PCDHA1: variants seen among roughly 807,000 people sequenced by gnomAD.
PCDHA1 encodes the protein protocadherin alpha-1.
In PCDHA1, 42 loss-of-function variants were observed where a neutral mutation model predicts 61.3. That is an observed-to-expected ratio of 0.69 (90% CI 0.54 to 0.89). The LOEUF (loss-of-function observed/expected upper bound fraction) is 0.89, where lower values mean the gene tolerates loss of function less well. Ranked by LOEUF, PCDHA1 falls within the 40% of genes least tolerant of loss-of-function variation. The pLI is 0.00. For synonymous variants in PCDHA1, 610 were observed against 553.8 expected (o/e 1.10, Z -1.43); for missense variants, 1,256 against 1,235.3 (o/e 1.02, Z -0.25).
intron 1 of PCDHA1, chr5:140,875,462 C>T (rs1333440854): frequency 6.3e-7 from 1 of 1,598,882 alleles, no homozygotes; most frequent in Non-Finnish European, 8.5e-7. Flanking sequence ...CAGAGGCCCT[C>T]ATTTTCTGCA....
intron 1 of PCDHA1, chr5:140,927,429 C>T: frequency 6.2e-7 from 1 of 1,614,118 alleles, no homozygotes; most frequent in Non-Finnish European, 8.5e-7. Flanking sequence ...GGGTTGACGG[C>T]AGCGAATACC....
At chr5:140,802,928 G>C in intron 1 of PCDHA1, 1 of 1,613,822 alleles carries the variant, frequency 6.2e-7, no homozygotes, top group Non-Finnish European at 8.5e-7. Context: ...GTGGCGCAGT[G>C]AGCGAGCTGG....
Position 140,969,340 on chromosome 5 carries a change from G to A in PCDHA1, c.2395-9609G>A, listed in dbSNP as rs1262555926. 6 of 1,613,738 alleles carry A rather than the reference G, an allele frequency of 3.7e-6. No homozygotes were observed. The African/African-American group carries it at 5.3e-5, about 14-fold the overall frequency. On this transcript the variant is annotated intron_variant, in intron 1 of 3. Coordinates refer to ENST00000504120, the MANE Select transcript of PCDHA1 (RefSeq NM_018900.4). The stretch of plus-strand genomic sequence containing the variant: ...CTGTTTCTCAAAATGAGGTGAGACA[G>A]TGGTCAGGGGGTCTTCTACAAACTC...
chr5:140,945,022 A>G (rs926595272), intron 1 of PCDHA1, among the ~76,000 whole-genome samples: 2 of 152,140 alleles, frequency 1.3e-5, no homozygotes, highest in Non-Finnish European at 2.9e-5. Flanking sequence ...TTTTTTACTC[A>G]GACATAATTA....
rs906170025 is a variant in PCDHA1 at position 140,935,893 on chromosome 5, T to C, written c.2395-43056T>C. Among the ~76,000 whole-genome samples, 23 of 129,968 alleles carry C rather than the reference T, an allele frequency of 1.8e-4. 1 individual carries two copies. In the Admixed American group the frequency reaches 1.8e-3, roughly 10 times the overall value. The allele number at this position is 129,968 out of a possible 152,430, so 85.3% of individuals were successfully genotyped here. A position where few individuals can be genotyped will look rare whatever the true frequency, so the allele number is the denominator to read the frequency against. ...AATGAGCTCCAATTTATCAATATTA[T>C]CTTTTTTTTTTTTTTTTGAGACAGA... On this transcript the variant is annotated intron_variant, in intron 1 of 3. Transcript: ENST00000504120.
At chr5:140,863,942 G>C (rs868949663) in intron 1 of PCDHA1, 1 of 159,974 alleles carries the variant, frequency 6.3e-6, no homozygotes, top group Non-Finnish European at 1.4e-5. Context: ...CAGAGGTTGC[G>C]GTGAGCCTAG....
At chr5:140,919,552 T>C (rs2079193484) in intron 1 of PCDHA1, among the ~76,000 whole-genome samples, 1 of 152,224 alleles carries the variant, frequency 6.6e-6, no homozygotes, top group South Asian at 2.1e-4. Context: ...ATTTACTGAT[T>C]TATATTAAGT....
At chr5:140,940,159 C>CT (rs1401623923) in intron 1 of PCDHA1, among the ~76,000 whole-genome samples, 1 of 151,978 alleles carries the variant, frequency 6.6e-6, no homozygotes, top group East Asian at 1.9e-4. Context: ...TTTTGTTTGC[C>CT]TGAAATGTCA....
intron 1 of PCDHA1, among the ~76,000 whole-genome samples, chr5:140,890,676 C>T (rs1377876863): frequency 3.3e-5 from 5 of 152,164 alleles, no homozygotes; most frequent in African/African-American, 1.2e-4. Flanking sequence ...AACCCTTCCT[C>T]CTTCTGGGAA....
chr5:140,810,853 C>G (rs769582220), intron 1 of PCDHA1: 1 of 151,972 alleles, frequency 6.6e-6, no homozygotes, highest in Non-Finnish European at 1.5e-5. Context: ...TGATTAAACT[C>G]AATTTATCAA....
chr5:140,800,279 C>G (rs1762533766), intron 1 of PCDHA1, among the ~76,000 whole-genome samples: 1 of 152,064 alleles, frequency 6.6e-6, no homozygotes, highest in Non-Finnish European at 1.5e-5. Context: ...TTGAATTTCT[C>G]TGTAAAGGAC....
chr5:140,945,526 A>T (rs1466059696), intron 1 of PCDHA1, among the ~76,000 whole-genome samples: 2 of 152,130 alleles, frequency 1.3e-5, no homozygotes, highest in African/African-American at 4.8e-5. Context: ...AATAAATAAA[A>T]CAAAACATAC....
At chr5:140,807,834 A>G (rs1272639969) in intron 1 of PCDHA1, 1 of 1,614,086 alleles carries the variant, frequency 6.2e-7, no homozygotes, top group East Asian at 2.2e-5. Flanking sequence ...ACAGCCACTG[A>G]TGGAGGCAAA....
intron 1 of PCDHA1, among the ~76,000 whole-genome samples, chr5:140,838,065 TTA>T (rs144773480): frequency 0.038 from 4,279 of 113,132 alleles, 207 homozygotes; most frequent in Non-Finnish European, 0.046. Context: ...CCACTTTAAG[TTA>T]TATATATATA....
At position 140,843,775 on chromosome 5, in the gene PCDHA1, A is replaced by C. The variant is rs2150366589; in HGVS notation, c.2394+55091A>C. On this transcript the variant is annotated intron_variant, in intron 1 of 3. Coordinates refer to ENST00000504120, the MANE Select transcript of PCDHA1 (RefSeq NM_018900.4). The stretch of plus-strand genomic sequence containing the variant: ...ATTTGTGGAAATTGTAGTTACTTTA[A>C]AAGTGTTTCAGATTTAGTTTTTCAC... 8 of 1,450,698 alleles carry C rather than the reference A, an allele frequency of 5.5e-6. No homozygotes were observed. In the South Asian group the frequency reaches 1.0e-4, roughly 18 times the overall value. The allele number at this position is 1,450,698 out of a possible 1,614,324, so 89.9% of individuals were successfully genotyped here.
In PCDHA1 at chr5:141,011,632, C is replaced by T. The variant is rs1333162247; in HGVS notation, c.*1695C>T. Reference sequence around the variant, plus strand: ...TTTATGGTCCAGCCAAGAGCCATCTCGTGCCAAGACTTCTGCTGGCAAGGG... The same window carrying T: ...TTTATGGTCCAGCCAAGAGCCATCTTGTGCCAAGACTTCTGCTGGCAAGGG... On this transcript the variant is annotated 3_prime_UTR_variant, in exon 4 of 4. Transcript: ENST00000504120. The T allele has an allele frequency of 1.3e-5, 2 of 153,656 alleles. No homozygotes were observed. The highest frequency in any genetic ancestry group is 4.8e-5 in the African/African-American group (2 of 41,412). 9.5% of individuals were successfully genotyped at this position (153,656 alleles called of 1,614,324 possible).
intron 1 of PCDHA1, among the ~76,000 whole-genome samples, chr5:140,897,728 A>G (rs1554187548): frequency 6.6e-6 from 1 of 152,092 alleles, no homozygotes; most frequent in Non-Finnish European, 1.5e-5. Flanking sequence ...TGGGTCAAAT[A>G]GTATTTCTAG....
intron 1 of PCDHA1, among the ~76,000 whole-genome samples, chr5:140,920,334 T>A (rs2079581280): frequency 6.6e-6 from 1 of 152,212 alleles, no homozygotes; most frequent in South Asian, 2.1e-4. Context: ...TTATGGCATT[T>A]CTTATTTGTC....
At chr5:140,803,285 C>T in intron 1 of PCDHA1, 1 of 1,614,068 alleles carries the variant, frequency 6.2e-7, no homozygotes, top group Non-Finnish European at 8.5e-7. Context: ...TGGTGGATGT[C>T]AACGTGTACT....
Sources: gnomAD v4.1 joint callset for allele counts (sites outside exome capture counted in the v4.1 genomes callset) on GRCh38, gnomAD v4.1.1 for gene constraint, MANE v1.5 for transcripts, NCBI Gene and HGNC (gene_info 2026-07-23, HGNC 2026-07-21) for gene names.